The following UACA variants were observed in gnomAD, a reference collection of about 807,000 sequenced individuals.
UACA encodes the protein nuclear membrane binding protein.
UACA carries 112 observed loss-of-function variants against 160.5 expected under a neutral mutation model. The observed-to-expected ratio is 0.70, with a 90% confidence interval of 0.60 to 0.82. The LOEUF (loss-of-function observed/expected upper bound fraction) is 0.82. Ranked by LOEUF, UACA falls within the 40% of genes least tolerant of loss-of-function variation. The pLI, the probability that UACA is intolerant of heterozygous loss-of-function variation, is 0.00. For missense variants in UACA, 1,574 were observed against 1,614.6 expected, an observed-to-expected ratio of 0.97 and a Z score of 0.43; for synonymous variants, 557 against 568.4, an observed-to-expected ratio of 0.98 and a Z score of 0.29.
Position 70,676,435 on chromosome 15 carries a change from C to G in UACA, c.1131+58G>C, listed in dbSNP as rs1454622252. On this transcript the variant is annotated intron_variant, in intron 13 of 18. Coordinates refer to ENST00000322954, the MANE Select transcript of UACA (RefSeq NM_018003.4). ...TTATAATTCAAATTCAAGTCTGATG[C>G]CAAGAGCCTTACCATTACCCATTAT... The G allele has an allele frequency of 2.5e-6, 3 of 1,185,674 alleles. No homozygotes were observed. In the African/African-American group the frequency reaches 4.6e-5, roughly 18 times the overall value. The allele number at this position is 1,185,674 out of a possible 1,614,324, so 73.4% of individuals were successfully genotyped here. A position where few individuals can be genotyped will look rare whatever the true frequency, so the allele number is the denominator to read the frequency against.
At position 70,660,144 on chromosome 15, in the gene UACA, T is replaced by C. The variant is rs750089290; in HGVS notation, c.4179+7A>G. 2.1e-5 allele frequency: 34 copies of C among 1,607,800 alleles called. No individual in the cohort carries two copies. Among genetic ancestry groups the C allele is most frequent in the Non-Finnish European group, 2.8e-5 (33 of 1,176,322 alleles). On this transcript the variant is annotated splice_region_variant and intron_variant, in intron 18 of 18. Transcript: ENST00000322954. ...ATATTCTTTCCAAAGGAGAAGTAGT[T>C]CTTTACCTGTGCAGCACTAAGAAGG...
At chr15:70,669,656 T>A (rs1897070047) in intron 15 of UACA, among the ~76,000 whole-genome samples, 194 bp from the exon 16 acceptor site, 1 of 152,220 alleles carries the variant, frequency 6.6e-6, no homozygotes, top group East Asian at 1.9e-4. Flanking sequence ...ATTTCCTTAA[T>A]ACATTCACAA....
At chr15:70,686,028 G>A (rs780291835) in intron 7 of UACA, among the ~76,000 whole-genome samples, 43 of 151,748 alleles carry the variant, frequency 2.8e-4, no homozygotes, top group Non-Finnish European at 5.0e-4. Flanking sequence ...GCGCCCAGCC[G>A]TAAAATTTAA....
intron 1 of UACA, among the ~76,000 whole-genome samples, chr15:70,751,083 C>CA (rs34272258): frequency 0.038 from 5,804 of 151,900 alleles, 158 homozygotes; most frequent in South Asian, 0.13. Flanking sequence ...GCTTATCCTA[C>CA]AAAAAAAACC....
chr15:70,715,785 T>G (rs1433053439), intron 1 of UACA, among the ~76,000 whole-genome samples: 1 of 152,232 alleles, frequency 6.6e-6, no homozygotes, highest in African/African-American at 2.4e-5. Flanking sequence ...TTTGTTCTCA[T>G]ATTTAGATCT....
chr15:70,764,290 C>A (rs1164060735), upstream of UACA, among the ~76,000 whole-genome samples: 1 of 152,194 alleles, frequency 6.6e-6, no homozygotes. Context: ...AAAAAAGTTA[C>A]GCCCTTTTTT....
intron 1 of UACA, among the ~76,000 whole-genome samples, chr15:70,716,929 C>G (rs1026592905): frequency 6.6e-6 from 1 of 152,096 alleles, no homozygotes; most frequent in Non-Finnish European, 1.5e-5. Flanking sequence ...TGGCTTCAAA[C>G]AATGAAACAT....
At position 70,669,094 on chromosome 15, in the gene UACA, T is replaced by C; in HGVS notation, c.1590A>G (p.Glu530=). ...FLALKEHLTS[E]AASGNHRLTE... ...TTAGTCTGTGATTCCCTGAGGCTGCTTCACTTGTTAAGTGTTCTTTAAGGG... is the reference window on the plus strand; with the variant it reads ...TTAGTCTGTGATTCCCTGAGGCTGCCTCACTTGTTAAGTGTTCTTTAAGGG... The change falls in exon 16 of 19, where the codon GAA becomes GAG. Residue 530 remains glutamate, a synonymous_variant. Coordinates refer to ENST00000322954, the MANE Select transcript of UACA (RefSeq NM_018003.4). 2.5e-6 allele frequency: 4 copies of C among 1,614,144 alleles called. No homozygotes were observed. The highest frequency in any genetic ancestry group is 3.4e-6 in the Non-Finnish European group (4 of 1,180,008).
chr15:70,750,717 C>T (rs1566999958), intron 1 of UACA, among the ~76,000 whole-genome samples: 1 of 152,048 alleles, frequency 6.6e-6, no homozygotes, highest in South Asian at 2.1e-4. Flanking sequence ...AAAAAATAAA[C>T]AAAATTAGTC....
chr15:70,741,007 G>A (rs1899517614), intron 1 of UACA, among the ~76,000 whole-genome samples: 1 of 151,898 alleles, frequency 6.6e-6, no homozygotes. Context: ...CCACTGCACT[G>A]CAGCCTGGGC....
At chr15:70,771,460 G>A in the UACA span, among the ~76,000 whole-genome samples, 4 of 152,172 alleles carry the variant, frequency 2.6e-5, no homozygotes. Flanking sequence ...AGTGAGCAGT[G>A]GAATAGATAA....
At chr15:70,662,215 T>C (rs1448766557) in intron 17 of UACA, among the ~76,000 whole-genome samples, 4 of 152,176 alleles carry the variant, frequency 2.6e-5, no homozygotes, top group Admixed American at 6.5e-5. Context: ...TATACACCAA[T>C]AACAGACAAA....
chr15:70,690,833 G>A (rs995776880), intron 4 of UACA, among the ~76,000 whole-genome samples: 35 of 151,998 alleles, frequency 2.3e-4, no homozygotes, highest in Non-Finnish European at 1.0e-4. Context: ...AAGCAGGTGA[G>A]TTCTGCTATG....
At chr15:70,763,817 A>C (rs568707260), upstream of UACA, among the ~76,000 whole-genome samples, 4 of 152,210 alleles carry the variant, frequency 2.6e-5, no homozygotes, top group Admixed American at 6.5e-5. Context: ...GGAGCTTAAG[A>C]TCTAGAGAGA....
chr15:70,670,989 A>C, intron 15 of UACA, 50 bp downstream of exon 15: 1 of 1,306,024 alleles, frequency 7.7e-7, no homozygotes, highest in Non-Finnish European at 1.0e-6. Flanking sequence ...TAAAGGCACA[A>C]AAATTTTCTT....
intron 7 of UACA, 145 bp from the exon 8 acceptor site, chr15:70,684,591 G>A: frequency 5.3e-6 from 4 of 750,860 alleles, no homozygotes; most frequent in Non-Finnish European, 6.1e-6. Context: ...CAAAGCAAGT[G>A]ACTATAATGT....
intron 18 of UACA, among the ~76,000 whole-genome samples, 157 bp downstream of exon 18, chr15:70,659,994 T>A (rs180971136): frequency 5.3e-4 from 80 of 152,166 alleles, no homozygotes; most frequent in Admixed American, 1.2e-3. Flanking sequence ...TTCTGGGAGA[T>A]CCACAAACAA....
At chr15:70,775,487 C>T in the UACA span, among the ~76,000 whole-genome samples, 4 of 152,016 alleles carry the variant, frequency 2.6e-5, no homozygotes, top group Non-Finnish European at 4.4e-5. Context: ...TAGCCCTTCT[C>T]CTATGGACCA....
intron 17 of UACA, 130 bp downstream of exon 17, chr15:70,664,532 A>G (rs1365129690): frequency 3.4e-6 from 4 of 1,166,228 alleles, no homozygotes; most frequent in African/African-American, 1.6e-5. Flanking sequence ...AACTTTTCGC[A>G]TATAAAAATA....
Sources: gnomAD v4.1 joint callset for allele counts (sites outside exome capture counted in the v4.1 genomes callset) on GRCh38, gnomAD v4.1.1 for gene constraint, MANE v1.5 for transcripts, NCBI Gene and HGNC (gene_info 2026-07-23, HGNC 2026-07-21) for gene names.